TMEM265: variants seen among roughly 807,000 people sequenced by gnomAD.
TMEM265 encodes transmembrane protein 265.
Under a neutral mutation model 9.5 loss-of-function variants are expected in TMEM265, and 8 were observed. That is an observed-to-expected ratio of 0.84 (90% CI 0.49 to 1.52). The LOEUF is 1.52. TMEM265 is among the 40% of genes most tolerant of loss of function. The pLI, the probability that TMEM265 is intolerant of heterozygous loss-of-function variation, is 0.00. For missense variants in TMEM265, 152 were observed against 146.2 expected, an observed-to-expected ratio of 1.04 and a Z score of -0.21; for synonymous variants, 53 against 56.9, an observed-to-expected ratio of 0.93 and a Z score of 0.31.
chr16:30,742,868 T>C (rs1380510026), intron 2 of TMEM265, among the ~76,000 whole-genome samples: 5 of 147,904 alleles, frequency 3.4e-5, no homozygotes, highest in East Asian at 4.0e-4. Flanking sequence ...GGAGGTTGCA[T>C]TGAGCTGAGA....
At chr16:30,741,690 G>T (rs2053226683) in intron 1 of TMEM265, 51 bp from the exon 2 acceptor site, 2 of 1,493,544 alleles carry the variant, frequency 1.3e-6, no homozygotes, top group East Asian at 5.0e-5. Context: ...GAGCAAGCAA[G>T]GCCAAGGGCT....
chr16:30,741,610 C>T, intron 1 of TMEM265, 131 bp from the exon 2 acceptor site: 1 of 984,674 alleles, frequency 1.0e-6, no homozygotes, highest in East Asian at 2.7e-5. Flanking sequence ...GAGGAATTCC[C>T]CAGTAAGGCA....
rs945065173 is a variant in TMEM265, at chr16:30,741,986, C to T, written c.165+78C>T. ...ATGTATCTGATCTATCTACATTGAC[C>T]AGTCACTGAATACCTATCAGTGCTC... is the stretch of plus-strand genomic sequence containing the variant. On this transcript the variant is annotated intron_variant, in intron 2 of 2. Coordinates refer to ENST00000615541, the MANE Select transcript of TMEM265 (RefSeq NM_001256829.2). The T allele has an allele frequency of 5.0e-6, 7 of 1,410,936 alleles. No homozygotes were observed. The Admixed American group carries it at 6.4e-5, about 13-fold the overall frequency. 87.4% of individuals were successfully genotyped at this position (1,410,936 alleles called of 1,614,324 possible). A position where few individuals can be genotyped will look rare whatever the true frequency, so the allele number is the denominator to read the frequency against.
Position 30,743,831 on chromosome 16 carries a change from G to A in TMEM265, c.215G>A (p.Gly72Glu). Residue 72 changes from glycine to glutamate, a missense_variant, in exon 3 of 3, where the codon GGG becomes GAG. Gly to Glu is a moderately conservative substitution (Grantham distance 98, BLOSUM62 -2). Transcript: ENST00000615541. The stretch of plus-strand genomic sequence containing the variant: ...CGGTCCGAGGAGGCAGTGCGCTGGG[G>A]GGCCCGGGCCCGGAAACTCATCCTG... ...AGRSEEAVRW[G>E]ARARKLILAS... 1 of 1,533,846 alleles carries A rather than the reference G, an allele frequency of 6.5e-7. No individual in the cohort carries two copies. Among genetic ancestry groups the A allele is most frequent in the Non-Finnish European group, 8.7e-7 (1 of 1,146,696 alleles).
chr16:30,741,204 A>G lies in TMEM265; in HGVS notation c.-4+497A>G, dbSNP rs1370017395. The G allele has an allele frequency of 2.0e-5, 3 of 152,266 alleles. No homozygotes were observed. The East Asian group carries it at 5.8e-4, about 29-fold the overall frequency. The allele number at this position is 152,266 out of a possible 1,614,324, so 9.4% of individuals were successfully genotyped here. On this transcript the variant is annotated intron_variant, in intron 1 of 2. Transcript: ENST00000615541. ...TTTCTGATGTTTGGTTTTAGTGGTAATAAAGGGCTTACTTGGGTACATTTT... is the reference window on the plus strand; with the variant it reads ...TTTCTGATGTTTGGTTTTAGTGGTAGTAAAGGGCTTACTTGGGTACATTTT...
In TMEM265 at chr16:30,743,802, AGGCC is replaced by A. The variant is rs1472636555; in HGVS notation, c.189_192del (p.Arg64ProfsTer66). ...CACAGGCGGAAGAGCGGCATAAAGCAGGCCGGTCCGAGGAGGCAGTGCGCTGGGG... is the reference window on the plus strand; with the variant it reads ...CACAGGCGGAAGAGCGGCATAAAGCAGGTCCGAGGAGGCAGTGCGCTGGGG... On this transcript the variant is annotated frameshift_variant, in exon 3 of 3. Transcript: ENST00000615541. LOFTEE classifies it high-confidence loss of function. 6.5e-7 allele frequency: 1 copy of A among 1,532,772 alleles called. No homozygotes were observed. The highest frequency in any genetic ancestry group is 8.7e-7 in the Non-Finnish European group (1 of 1,146,086). 94.9% of individuals were successfully genotyped at this position (1,532,772 alleles called of 1,614,324 possible).
intron 1 of TMEM265, 116 bp downstream of exon 1, chr16:30,740,823 A>C (rs1274564684): frequency 6.6e-6 from 1 of 152,162 alleles, no homozygotes; most frequent in East Asian, 1.9e-4. Flanking sequence ...ACTTCCCTGC[A>C]GCTTCTTGGC....
At chr16:30,741,486 AAAT>A (rs2053224856) in intron 1 of TMEM265, 1 of 391,144 alleles carries the variant, frequency 2.6e-6, no homozygotes, top group Admixed American at 4.1e-5. Context: ...TTGAAACACT[AAAT>A]AATACAGATA....
chr16:30,743,307 AC>A (rs2053236258), intron 2 of TMEM265, among the ~76,000 whole-genome samples: 1 of 151,708 alleles, frequency 6.6e-6, no homozygotes, highest in Non-Finnish European at 1.5e-5. Context: ...AATTGCTTGA[AC>A]CTGGGAGGAG....
At position 30,744,452 on chromosome 16, in the gene TMEM265, G is replaced by T. The variant is rs535739737; in HGVS notation, c.*509G>T. 11 of 152,194 alleles carry T rather than the reference G, an allele frequency of 7.2e-5. No individual in the cohort carries two copies. The highest frequency in any genetic ancestry group is 2.7e-4 in the African/African-American group (11 of 41,508). The allele number at this position is 152,194 out of a possible 1,614,324, so 9.4% of individuals were successfully genotyped here. ...AGTTTCCCTTCTTGGAAAGACCCCA[G>T]CTTCTCCCTTGTACGTCCACAGAGA... On this transcript the variant is annotated 3_prime_UTR_variant, in exon 3 of 3. Coordinates refer to ENST00000615541, the MANE Select transcript of TMEM265 (RefSeq NM_001256829.2).
At position 30,744,522 on chromosome 16, in the gene TMEM265, C is replaced by T. The variant is rs1165510794; in HGVS notation, c.*579C>T. 6.6e-6 allele frequency: 1 copy of T among 152,194 alleles called. No homozygotes were observed. The highest frequency in any genetic ancestry group is 2.1e-4 in the South Asian group (1 of 4,824). The allele number at this position is 152,194 out of a possible 1,614,324, so 9.4% of individuals were successfully genotyped here. On this transcript the variant is annotated 3_prime_UTR_variant, in exon 3 of 3. Coordinates refer to ENST00000615541, the MANE Select transcript of TMEM265 (RefSeq NM_001256829.2). ...AGCAGCTGCTACTATTTATTACTTACTATATTCCAGGCTGTGTTCTAAGCA... is the reference window on the plus strand; with the variant it reads ...AGCAGCTGCTACTATTTATTACTTATTATATTCCAGGCTGTGTTCTAAGCA...
chr16:30,743,923 G>A lies in TMEM265; in HGVS notation c.307G>A (p.Ala103Thr), dbSNP rs1352050173. ...GPLLLWLLSY[A>T]IAQAE ...CCTGCTGCTGTGGTTGCTCTCCTAC[G>A]CCATCGCTCAGGCTGAGTGACCCTG... The change falls in exon 3 of 3, where the codon GCC (alanine) becomes ACC (threonine). Residue 103 changes from alanine (A) to threonine (T), a missense_variant. Ala to Thr is a moderately conservative substitution (Grantham distance 58). Coordinates refer to ENST00000615541, the MANE Select transcript of TMEM265 (RefSeq NM_001256829.2). 2.5e-5 allele frequency: 38 copies of A among 1,533,782 alleles called. No homozygotes were observed. The highest frequency in any genetic ancestry group is 4.6e-4 in the Middle Eastern group (2 of 4,354).
rs1489961665 is a variant in TMEM265, at chr16:30,744,268, T to C, written c.*325T>C. 6 of 220,444 alleles carry C rather than the reference T, an allele frequency of 2.7e-5. No homozygotes were observed. Among genetic ancestry groups the C allele is most frequent in the Non-Finnish European group, 4.4e-5 (5 of 113,518 alleles). The allele number at this position is 220,444 out of a possible 1,614,324, so 13.7% of individuals were successfully genotyped here. A position where few individuals can be genotyped will look rare whatever the true frequency, so the allele number is the denominator to read the frequency against. ...GAATTCATTTTGTAATAAAAGCCTT[T>C]TTTAGTGGTGAAATACTCCTGTCTA... is the stretch of plus-strand genomic sequence containing the variant. On this transcript the variant is annotated 3_prime_UTR_variant, in exon 3 of 3. Coordinates refer to ENST00000615541, the MANE Select transcript of TMEM265 (RefSeq NM_001256829.2).
chr16:30,741,554 A>G (rs532323536), intron 1 of TMEM265, 187 bp from the exon 2 acceptor site: 15 of 594,040 alleles, frequency 2.5e-5, no homozygotes, highest in African/African-American at 3.7e-5. Context: ...AGCTTAGGTA[A>G]AAGGATTCCA....
intron 1 of TMEM265, 77 bp from the exon 2 acceptor site, chr16:30,741,663 TG>T: frequency 1.4e-6 from 2 of 1,419,000 alleles, no homozygotes; most frequent in Non-Finnish European, 1.9e-6. Flanking sequence ...CAGAATGCTC[TG>T]AGAGGGGTGG....
rs1396142450 is a variant in TMEM265 at position 30,742,787 on chromosome 16, G to A, written c.165+879G>A. ...CTAAAAATACAAAAATTAGCTGGGCGTGATGGTGCGTGCCTGTAATCCCAG... is the reference window on the plus strand; with the variant it reads ...CTAAAAATACAAAAATTAGCTGGGCATGATGGTGCGTGCCTGTAATCCCAG... On this transcript the variant is annotated intron_variant, in intron 2 of 2. Transcript: ENST00000615541. Among the ~76,000 whole-genome samples the A allele has an allele frequency of 2.0e-5, 3 of 151,692 alleles. No homozygotes were observed. In the East Asian group the frequency reaches 5.8e-4, roughly 30 times the overall value.
intron 2 of TMEM265, 69 bp downstream of exon 2, chr16:30,741,977 T>C: frequency 6.9e-7 from 1 of 1,440,748 alleles, no homozygotes; most frequent in Non-Finnish European, 9.3e-7. Flanking sequence ...CTGATCTATC[T>C]ACATTGACCA....
rs553882590 is a variant in TMEM265 at position 30,743,408 on chromosome 16, A to T, written c.166-374A>T. ...AAAAGAAAAAAAAAAGATGGAAAAG[A>T]TGAGGCCCATTGGGCTATGAGAATG... On this transcript the variant is annotated intron_variant, in intron 2 of 2. Transcript: ENST00000615541. Among the ~76,000 whole-genome samples, 7 of 152,186 alleles carry T rather than the reference A, an allele frequency of 4.6e-5. No individual in the cohort carries two copies. The South Asian group carries it at 1.5e-3, about 32-fold the overall frequency.
At chr16:30,741,656 A>G in intron 1 of TMEM265, 85 bp from the exon 2 acceptor site, 1 of 1,390,618 alleles carries the variant, frequency 7.2e-7, no homozygotes, top group African/African-American at 1.4e-5. Flanking sequence ...ATGAGAACAG[A>G]ATGCTCTGAG....
Sources: allele counts gnomAD v4.1 joint callset (sites outside exome capture counted in the v4.1 genomes callset), GRCh38; gene constraint gnomAD v4.1.1; transcripts MANE v1.5; gene names NCBI Gene and HGNC (gene_info 2026-07-23, HGNC 2026-07-21).